ZFHX3: variants seen among roughly 807,000 people sequenced by gnomAD.
ZFHX3 encodes zinc finger homeobox 3, also known as zinc finger homeobox protein 3.
Under a neutral mutation model 279.1 loss-of-function variants are expected in ZFHX3, and 42 were observed. The observed-to-expected ratio is 0.15, with a 90% CI of 0.12 to 0.19. The LOEUF is 0.19. Ranked by LOEUF, ZFHX3 falls within the 10% of genes least tolerant of loss-of-function variation. The pLI, the probability that ZFHX3 is intolerant of heterozygous loss-of-function variation, is 1.00. For synonymous variants in ZFHX3, 2,293 were observed against 1,957.8 expected, an observed-to-expected ratio of 1.17 and a Z score of -4.52; for missense variants, 4,981 against 4,754.0, an observed-to-expected ratio of 1.05 and a Z score of -1.40.
intron 1 of ZFHX3, among the ~76,000 whole-genome samples, chr16:73,800,374 G>A (rs1216659940): frequency 6.6e-6 from 1 of 151,800 alleles, no homozygotes; most frequent in Admixed American, 6.6e-5. Flanking sequence ...CACACCACCC[G>A]CCTGGCTAAT....
chr16:73,268,931 C>G (rs1032690583), intron 4 of ZFHX3, among the ~76,000 whole-genome samples: 1 of 152,160 alleles, frequency 6.6e-6, no homozygotes, highest in Non-Finnish European at 1.5e-5. Flanking sequence ...GGTGCAGAAG[C>G]TTGGTCTACA....
chr16:73,486,310 T>C (rs767077076), intron 2 of ZFHX3, among the ~76,000 whole-genome samples: 1 of 152,216 alleles, frequency 6.6e-6, no homozygotes, highest in Non-Finnish European at 1.5e-5. Flanking sequence ...CTCTAGAGGG[T>C]ATTGAAACAC....
At chr16:73,282,817 T>A (rs1163288732) in intron 4 of ZFHX3, among the ~76,000 whole-genome samples, 5 of 152,228 alleles carry the variant, frequency 3.3e-5, no homozygotes, top group Admixed American at 6.5e-5. Context: ...TGCGGTTGCA[T>A]AAAATTGTCT....
At chr16:73,184,926 C>T (rs937800198) in intron 5 of ZFHX3, among the ~76,000 whole-genome samples, 3 of 151,904 alleles carry the variant, frequency 2.0e-5, no homozygotes, top group African/African-American at 7.3e-5. Context: ...CTGGTGAGAT[C>T]GGCAGGGCCG....
At chr16:73,613,221 C>T (rs539825609) in intron 2 of ZFHX3, among the ~76,000 whole-genome samples, 1 of 152,146 alleles carries the variant, frequency 6.6e-6, no homozygotes, top group Non-Finnish European at 1.5e-5. Flanking sequence ...CACCTGGACC[C>T]GCCAGAGCTG....
At chr16:73,028,252 T>G (rs1964580984) in intron 1 of ZFHX3, among the ~76,000 whole-genome samples, 1 of 152,080 alleles carries the variant, frequency 6.6e-6, no homozygotes, top group Non-Finnish European at 1.5e-5. Flanking sequence ...ACCTCCTATT[T>G]AGAGAAATGA....
Position 73,159,294 on chromosome 16 carries a change from G to C in ZFHX3, c.-1103-15463C>G, listed in dbSNP as rs997229411. ...ATATTAGATGTACATTGCCATTGTG[G>C]TAAAAATGGTCACGCATTTTTCTCC... On this transcript the variant is annotated intron_variant, in intron 5 of 17. Coordinates refer to the ZFHX3 transcript ENST00000641206. Among the ~76,000 whole-genome samples, 28 of 152,156 alleles carry C rather than the reference G, an allele frequency of 1.8e-4. 1 individual carries two copies. The highest frequency in any genetic ancestry group is 6.8e-4 in the African/African-American group (28 of 41,424).
chr16:73,505,601 C>T (rs1407099225), intron 2 of ZFHX3, among the ~76,000 whole-genome samples: 2 of 151,972 alleles, frequency 1.3e-5, no homozygotes, highest in East Asian at 3.8e-4. Context: ...AAATCAGAAG[C>T]CCAGCAAAGT....
intron 4 of ZFHX3, among the ~76,000 whole-genome samples, chr16:72,860,781 C>A (rs1465690805): frequency 6.6e-6 from 1 of 152,186 alleles, no homozygotes; most frequent in Non-Finnish European, 1.5e-5. Context: ...TATGGACCGC[C>A]CTCACAGAAC....
At chr16:73,837,573 G>GCA (rs1207888314) in intron 1 of ZFHX3, among the ~76,000 whole-genome samples, 5 of 152,168 alleles carry the variant, frequency 3.3e-5, no homozygotes, top group Non-Finnish European at 7.3e-5. Context: ...ATTCTTGGAA[G>GCA]CACACACACA....
chr16:73,568,664 T>C (rs2020483578), intron 2 of ZFHX3, among the ~76,000 whole-genome samples: 1 of 151,912 alleles, frequency 6.6e-6, no homozygotes, highest in Admixed American at 6.6e-5. Context: ...TCCAGGTGAG[T>C]CCCATTCACC....
intron 4 of ZFHX3, among the ~76,000 whole-genome samples, chr16:73,265,545 A>T (rs537417141): frequency 3.9e-4 from 60 of 152,288 alleles, no homozygotes; most frequent in Non-Finnish European, 6.2e-4. Flanking sequence ...TGCATTGACC[A>T]CGCAGTTTGG....
At chr16:73,267,727 G>T (rs534231489) in intron 4 of ZFHX3, among the ~76,000 whole-genome samples, 2 of 152,232 alleles carry the variant, frequency 1.3e-5, no homozygotes, top group East Asian at 1.9e-4. Context: ...GACCTTGAGG[G>T]GACGCTGGGC....
chr16:73,799,539 C>A (rs1960085315), intron 1 of ZFHX3, among the ~76,000 whole-genome samples: 1 of 152,134 alleles, frequency 6.6e-6, no homozygotes, highest in South Asian at 2.1e-4. Flanking sequence ...GGTACCCAGG[C>A]TCCTGGTGCA....
chr16:73,020,248 AACTTT>A (rs1964253435), intron 1 of ZFHX3, among the ~76,000 whole-genome samples: 1 of 152,222 alleles, frequency 6.6e-6, no homozygotes, highest in Non-Finnish European at 1.5e-5. Flanking sequence ...CACATACGCA[AACTTT>A]ACATTGGCAG....
In ZFHX3 at chr16:73,090,911, G is replaced by GAAAAAAAAAAAA. The variant is rs57632636; in HGVS notation, c.-533+2312_-533+2323dup. On this transcript the variant is annotated intron_variant, in intron 8 of 17. Coordinates refer to the ZFHX3 transcript ENST00000641206. ...GGGAGACAGAGTAAGATCCCATATT[G>GAAAAAAAAAAAA]AAAAAAAAAAAAAAAAAAGGCAAGG... Among the ~76,000 whole-genome samples, 88 of 108,306 alleles carry GAAAAAAAAAAAA rather than the reference G, an allele frequency of 8.1e-4. 8 individuals are homozygous for GAAAAAAAAAAAA. Among genetic ancestry groups the GAAAAAAAAAAAA allele is most frequent in the African/African-American group, 4.3e-3 (83 of 19,170 alleles). 71.1% of individuals were successfully genotyped at this position (108,306 alleles called of 152,430 possible).
At chr16:73,403,474 T>C (rs547310779) in intron 3 of ZFHX3, among the ~76,000 whole-genome samples, 3 of 152,338 alleles carry the variant, frequency 2.0e-5, no homozygotes, top group Non-Finnish European at 4.4e-5. Flanking sequence ...GCCGGGTCTG[T>C]GTGCACGTTT....
chr16:73,648,225 C>T (rs187613811), intron 2 of ZFHX3, among the ~76,000 whole-genome samples: 1 of 152,068 alleles, frequency 6.6e-6, no homozygotes, highest in Admixed American at 6.6e-5. Context: ...TTAATTATAA[C>T]GAATAACTAG....
intron 1 of ZFHX3, among the ~76,000 whole-genome samples, chr16:73,701,082 T>C (rs901202190): frequency 1.3e-5 from 2 of 152,132 alleles, no homozygotes; most frequent in Non-Finnish European, 2.9e-5. Context: ...ATAGATCAGA[T>C]CCCATACTAC....
Sources: allele counts gnomAD v4.1 joint callset (sites outside exome capture counted in the v4.1 genomes callset), GRCh38; gene constraint gnomAD v4.1.1; transcripts MANE v1.5; gene names NCBI Gene and HGNC (gene_info 2026-07-23, HGNC 2026-07-21).